Variants in CUBN observed in about 807,000 individuals in gnomAD.
CUBN encodes cubilin.
In CUBN, 282 loss-of-function variants were observed where a neutral mutation model predicts 405.3. That is an observed-to-expected ratio of 0.70 (90% CI 0.63 to 0.77). The LOEUF is 0.77. Ranked by LOEUF, CUBN falls within the 30% of genes least tolerant of loss-of-function variation. The pLI, the probability that CUBN is intolerant of heterozygous loss-of-function variation, is 0.00. For synonymous variants in CUBN, 1,684 were observed against 1,617.0 expected, an observed-to-expected ratio of 1.04 and a Z score of -0.99; for missense variants, 4,514 against 4,475.2, an observed-to-expected ratio of 1.01 and a Z score of -0.25.
In CUBN at chr10:17,029,459, C is replaced by T. The variant is rs755484501; in HGVS notation, c.4018-9476G>A. On this transcript the variant is annotated intron_variant, in intron 27 of 66. Transcript: ENST00000377833. ...AACGACACTACAAAGCATCTGGCTT[C>T]GCTAACTAATGGATATACTTCATTC... Among the ~76,000 whole-genome samples the T allele has an allele frequency of 2.6e-5, 4 of 152,232 alleles. No individual in the cohort carries two copies. The East Asian group carries it at 5.8e-4, about 22-fold the overall frequency.
At chr10:17,074,422 G>A (rs190546843) in intron 17 of CUBN, among the ~76,000 whole-genome samples, 4 of 152,240 alleles carry the variant, frequency 2.6e-5, no homozygotes, top group Admixed American at 1.3e-4. Context: ...AAATGTGAGC[G>A]TCACACACAA....
chr10:16,928,194 A>C lies in CUBN; in HGVS notation c.6234T>G (p.Ser2078Arg). The change falls in exon 41 of 67, where the codon AGT becomes AGG. Residue 2078 changes from serine to arginine, a missense_variant. Coordinates refer to ENST00000377833, the MANE Select transcript of CUBN (RefSeq NM_001081.4). The part of the protein sequence containing the change: ...YMFIRFTSDS[S>R]VTRAGFNASF... ...ATGCATTGAAGCCTGCCCTGGTTAC[A>C]CTGGAGTCCGAGGTGAAGCGGATGA... The C allele has an allele frequency of 6.2e-7, 1 of 1,614,000 alleles. No individual in the cohort carries two copies. Among genetic ancestry groups the C allele is most frequent in the Non-Finnish European group, 8.5e-7 (1 of 1,179,900 alleles).
chr10:16,984,091 C>A lies in CUBN; in HGVS notation c.4525+14G>T. On this transcript the variant is annotated intron_variant, in intron 30 of 66. Coordinates refer to ENST00000377833, the MANE Select transcript of CUBN (RefSeq NM_001081.4). Reference sequence around the variant, plus strand: ...CGGCTTAAGTACTTTAGGAAACCTCCTTTTCTCACTCACCTCCAGTGACTG... The same window carrying A: ...CGGCTTAAGTACTTTAGGAAACCTCATTTTCTCACTCACCTCCAGTGACTG... 1.2e-6 allele frequency: 2 copies of A among 1,614,114 alleles called. No individual in the cohort carries two copies. Among genetic ancestry groups the A allele is most frequent in the Non-Finnish European group, 1.7e-6 (2 of 1,179,948 alleles).
At chr10:16,882,309 C>T (rs1401419705) in intron 56 of CUBN, among the ~76,000 whole-genome samples, 1 of 152,232 alleles carries the variant, frequency 6.6e-6, no homozygotes, top group Non-Finnish European at 1.5e-5. Context: ...TAGACATTTA[C>T]TACTGAAATC....
intron 31 of CUBN, chr10:16,965,822 AAATACATTT>A: frequency 2.8e-6 from 1 of 353,930 alleles, no homozygotes; most frequent in Non-Finnish European, 5.6e-6. Context: ...ATAGGTACTT[AAATACATTT>A]GTTTACATTT....
chr10:17,025,139 C>T (rs1288104685), intron 27 of CUBN, among the ~76,000 whole-genome samples: 1 of 152,094 alleles, frequency 6.6e-6, no homozygotes, highest in African/African-American at 2.4e-5. Context: ...AATAATTCAT[C>T]TGCTGTGAGG....
At chr10:16,970,873 G>C (rs1393194857) in intron 31 of CUBN, among the ~76,000 whole-genome samples, 2 of 151,806 alleles carry the variant, frequency 1.3e-5, no homozygotes, top group Non-Finnish European at 2.9e-5. Flanking sequence ...TAAAAAATTA[G>C]GTGACAACAG....
chr10:16,968,829 G>A (rs1588532524), intron 31 of CUBN, among the ~76,000 whole-genome samples: 1 of 152,202 alleles, frequency 6.6e-6, no homozygotes, highest in African/African-American at 2.4e-5. Context: ...ATGCCCAGCC[G>A]ATGGGTCCCA....
In CUBN at chr10:17,085,965, AT is replaced by A. The variant is rs11284543; in HGVS notation, c.1948-207del. 0.25 allele frequency among the ~76,000 whole-genome samples: 33,115 copies of A among 132,400 alleles called. 3,462 individuals are homozygous for A. Among genetic ancestry groups the A allele is most frequent in the Middle Eastern group, 0.37 (92 of 250 alleles). 86.9% of individuals were successfully genotyped at this position (132,400 alleles called of 152,430 possible). On this transcript the variant is annotated intron_variant, in intron 15 of 66. Coordinates refer to ENST00000377833, the MANE Select transcript of CUBN (RefSeq NM_001081.4). ...ACCCCAATGCCTTCTCTCTGTCTGA[AT>A]TTTTTTTTTTTTTTTTTTGAGATGG...
Position 16,918,868 on chromosome 10 carries a change from C to T in CUBN, c.6822-68G>A, listed in dbSNP as rs1588649651. On this transcript the variant is annotated intron_variant, in intron 44 of 66. Coordinates refer to ENST00000377833, the MANE Select transcript of CUBN (RefSeq NM_001081.4). ...GCTTATTTTGATAATGACAACCTTACTTACTTTCTTTGAAGATATTATTAA... is the reference window on the plus strand; with the variant it reads ...GCTTATTTTGATAATGACAACCTTATTTACTTTCTTTGAAGATATTATTAA... 1.3e-5 allele frequency: 18 copies of T among 1,374,168 alleles called. No individual in the cohort carries two copies. In the South Asian group the frequency reaches 2.1e-4, roughly 16 times the overall value. 85.1% of individuals were successfully genotyped at this position (1,374,168 alleles called of 1,614,324 possible). A position where few individuals can be genotyped will look rare whatever the true frequency, so the allele number is the denominator to read the frequency against.
At chr10:16,945,675 G>A (rs922173221) in intron 36 of CUBN, among the ~76,000 whole-genome samples, 1 of 150,520 alleles carries the variant, frequency 6.6e-6, no homozygotes, top group Non-Finnish European at 1.5e-5. Context: ...GGCTGAGGCA[G>A]GAGAATAGCT....
intron 27 of CUBN, among the ~76,000 whole-genome samples, chr10:17,032,345 T>C (rs192500688): frequency 3.3e-5 from 5 of 152,326 alleles, no homozygotes; most frequent in East Asian, 3.9e-4. Flanking sequence ...GTTAAATTCC[T>C]TGCCCAAGAT....
intron 6 of CUBN, 109 bp from the exon 7 acceptor site, chr10:17,115,706 T>C (rs1836877830): frequency 7.2e-7 from 1 of 1,390,518 alleles, no homozygotes; most frequent in Non-Finnish European, 1.0e-6. Context: ...CGATGTTAAC[T>C]TGGAATCGTC....
intron 56 of CUBN, among the ~76,000 whole-genome samples, chr10:16,885,299 AT>A (rs1226269850): frequency 6.6e-6 from 1 of 152,208 alleles, no homozygotes; most frequent in Middle Eastern, 3.2e-3. Flanking sequence ...AACACTGGAA[AT>A]GTCACAAGGC....
rs1365260444 is a variant in CUBN, at chr10:17,061,116, T to TA, written c.3139+4391_3139+4392insT. On this transcript the variant is annotated intron_variant, in intron 22 of 66. Transcript: ENST00000377833. ...ACCCAAAAACAAACAAACAAAAGTA[T>TA]TCCTAATTAGTATCAAGGCTGAGAG... is the stretch of plus-strand genomic sequence containing the variant. 3.3e-5 allele frequency among the ~76,000 whole-genome samples: 5 copies of TA among 151,952 alleles called. No homozygotes were observed. In the East Asian group the frequency reaches 9.7e-4, roughly 29 times the overall value.
chr10:17,097,829 T>A (rs1445622875), intron 14 of CUBN, among the ~76,000 whole-genome samples: 1 of 152,158 alleles, frequency 6.6e-6, no homozygotes, highest in Admixed American at 6.5e-5. Context: ...CATTCATGAT[T>A]TTTTAAAATT....
chr10:16,935,525 C>T (rs1413307162), intron 39 of CUBN, among the ~76,000 whole-genome samples: 1 of 152,006 alleles, frequency 6.6e-6, no homozygotes, highest in East Asian at 1.9e-4. Context: ...TCAGTGTATC[C>T]ATAATAAATT....
intron 14 of CUBN, among the ~76,000 whole-genome samples, chr10:17,089,383 G>A (rs995656660): frequency 6.6e-6 from 1 of 152,076 alleles, no homozygotes; most frequent in Non-Finnish European, 1.5e-5. Flanking sequence ...AAGAAAAAAT[G>A]CAATATGCAA....
chr10:17,072,593 G>C (rs1043566753), intron 17 of CUBN, among the ~76,000 whole-genome samples: 3 of 151,946 alleles, frequency 2.0e-5, no homozygotes, highest in African/African-American at 7.3e-5. Flanking sequence ...TTAAAATGAG[G>C]AAGAATACAG....
Sources: gnomAD v4.1 joint callset for allele counts (sites outside exome capture counted in the v4.1 genomes callset) on GRCh38, gnomAD v4.1.1 for gene constraint, MANE v1.5 for transcripts, NCBI Gene and HGNC (gene_info 2026-07-23, HGNC 2026-07-21) for gene names.